Variants in AGAP1 observed in about 807,000 individuals in gnomAD.
The protein encoded by AGAP1 is arf-GAP with GTPase, ANK repeat and PH domain-containing protein 1.
Under a neutral mutation model 105.3 loss-of-function variants are expected in AGAP1, and 29 were observed. The ratio of observed to expected loss-of-function variants is 0.28; its 90% CI spans 0.21 to 0.38. AGAP1 has a LOEUF of 0.38. AGAP1 is among the 10% of genes least tolerant of loss of function. The pLI is 1.00. For synonymous variants in AGAP1, 509 were observed against 485.9 expected (o/e 1.05, Z -0.63); for missense variants, 998 against 1,165.1 (o/e 0.86, Z 2.09).
At position 236,096,259 on chromosome 2, in the gene AGAP1, G is replaced by A. The variant is rs141260220; in HGVS notation, c.2115-23933G>A. Among the ~76,000 whole-genome samples the A allele has an allele frequency of 2.4e-4, 36 of 152,220 alleles. No individual in the cohort carries two copies. Among genetic ancestry groups the A allele is most frequent in the African/African-American group, 8.2e-4 (34 of 41,548 alleles). Reference sequence around the variant, plus strand: ...CTCACGCCTGTAATCCCAGCACTTCGGGAGGCCAAGGCGGGGGAATCCCTG... The same window carrying A: ...CTCACGCCTGTAATCCCAGCACTTCAGGAGGCCAAGGCGGGGGAATCCCTG... On this transcript the variant is annotated intron_variant, in intron 16 of 17. Transcript: ENST00000304032. The surrounding 1 kb of genome is among the most constrained non-coding windows in gnomAD (Gnocchi z 4.4).
At position 235,873,247 on chromosome 2, in the gene AGAP1, A is replaced by G. The variant is rs370732019; in HGVS notation, c.1051-10098A>G. Among the ~76,000 whole-genome samples, 3 of 152,360 alleles carry G rather than the reference A, an allele frequency of 2.0e-5. No individual in the cohort carries two copies. The South Asian group carries it at 6.2e-4, about 32-fold the overall frequency. On this transcript the variant is annotated intron_variant, in intron 9 of 17. Transcript: ENST00000304032. ...CACTCTTCAAAAATCAGTGTTCAGA[A>G]TTAATTTAAGCCAAGAAAGAAAAAG...
chr2:235,525,045 C>A (rs925810496), intron 1 of AGAP1, among the ~76,000 whole-genome samples: 1 of 152,162 alleles, frequency 6.6e-6, no homozygotes, highest in Non-Finnish European at 1.5e-5. Context: ...AAATTTCTTA[C>A]GGTTAGTACA....
rs566801552 is a variant in AGAP1, at chr2:235,921,700, A to T, written c.1325-9065A>T. 5.3e-5 allele frequency among the ~76,000 whole-genome samples: 8 copies of T among 152,320 alleles called. No homozygotes were observed. The East Asian group carries it at 1.5e-3, about 29-fold the overall frequency. On this transcript the variant is annotated intron_variant, in intron 11 of 17. Transcript: ENST00000304032. The stretch of plus-strand genomic sequence containing the variant: ...AACATGGAAAATCTCTTAACTAAAC[A>T]AAAGGTATCAAGAAACACCAGATTT...
At position 235,611,281 on chromosome 2, in the gene AGAP1, T is replaced by C. The variant is rs375837799; in HGVS notation, c.164-97898T>C. 2.0e-5 allele frequency among the ~76,000 whole-genome samples: 3 copies of C among 152,202 alleles called. No individual in the cohort carries two copies. Among genetic ancestry groups the C allele is most frequent in the South Asian group, 4.1e-4 (2 of 4,834 alleles). On this transcript the variant is annotated intron_variant, in intron 1 of 17. Transcript: ENST00000304032. The surrounding 1 kb of genome is among the most constrained non-coding windows in gnomAD (Gnocchi z 5.0). ...CTCCCTTGTGGCCCACACAACACTT[T>C]CGTTGGAGATGAAGAGTCTCCCTTT...
intron 13 of AGAP1, among the ~76,000 whole-genome samples, chr2:235,972,465 G>C (rs111806813): frequency 2.6e-4 from 39 of 152,336 alleles, no homozygotes; most frequent in African/African-American, 8.9e-4. Flanking sequence ...CCTGTCTGCA[G>C]AGATGCGGGG....
At position 235,962,992 on chromosome 2, in the gene AGAP1, A is replaced by C. The variant is rs2054253289; in HGVS notation, c.1484-5470A>C. Reference sequence around the variant, plus strand: ...TGGATCTGTGGGAATCCAGAGTCCCATGGGGCTAGAAGTGCTCGTGTGGAA... The same window carrying C: ...TGGATCTGTGGGAATCCAGAGTCCCCTGGGGCTAGAAGTGCTCGTGTGGAA... On this transcript the variant is annotated intron_variant, in intron 12 of 17. Coordinates refer to ENST00000304032, the MANE Select transcript of AGAP1 (RefSeq NM_001037131.3). The surrounding 1 kb of genome is among the most constrained non-coding windows in gnomAD (Gnocchi z 5.3). 6.6e-6 allele frequency among the ~76,000 whole-genome samples: 1 copy of C among 152,114 alleles called. No individual in the cohort carries two copies. The highest frequency in any genetic ancestry group is 2.4e-5 in the African/African-American group (1 of 41,420).
In AGAP1 at chr2:235,611,241, G is replaced by A. The variant is rs1166277291; in HGVS notation, c.164-97938G>A. On this transcript the variant is annotated intron_variant, in intron 1 of 17. Transcript: ENST00000304032. The surrounding 1 kb of genome is among the most constrained non-coding windows in gnomAD (Gnocchi z 5.0). ...AGCACCTTCCCAGGCAGCTGCAAAG[G>A]TGGTCTTGGTTTGACTCCCTTGTGG... Among the ~76,000 whole-genome samples the A allele has an allele frequency of 6.6e-6, 1 of 152,142 alleles. No homozygotes were observed. The highest frequency in any genetic ancestry group is 1.5e-5 in the Non-Finnish European group (1 of 68,030).
chr2:235,930,296 G>A lies in AGAP1; in HGVS notation c.1325-469G>A, dbSNP rs2052658107. Among the ~76,000 whole-genome samples, 1 of 152,116 alleles carries A rather than the reference G, an allele frequency of 6.6e-6. No homozygotes were observed. The highest frequency in any genetic ancestry group is 6.6e-5 in the Admixed American group (1 of 15,264). On this transcript the variant is annotated intron_variant, in intron 11 of 17. Transcript: ENST00000304032. This position sits in a 1 kb window ranked among gnomAD's most constrained non-coding sequence, Gnocchi z 7.9. ...TGATTTGTGTTGATCATAAAGTATG[G>A]CTTCCCCATGAAAATAATCCTCTGG...
Position 235,725,085 on chromosome 2 carries a change from T to C in AGAP1, c.310+7441T>C, listed in dbSNP as rs1399590897. Reference sequence around the variant, plus strand: ...TTTTCCACTGTGTGTTTGGTTTCTGTTGCTTGTTCCAAGCTGCTGACGCGG... The same window carrying C: ...TTTTCCACTGTGTGTTTGGTTTCTGCTGCTTGTTCCAAGCTGCTGACGCGG... On this transcript the variant is annotated intron_variant, in intron 3 of 17. Coordinates refer to ENST00000304032, the MANE Select transcript of AGAP1 (RefSeq NM_001037131.3). The surrounding 1 kb of genome is among the most constrained non-coding windows in gnomAD (Gnocchi z 5.7). Among the ~76,000 whole-genome samples, 2 of 152,196 alleles carry C rather than the reference T, an allele frequency of 1.3e-5. No individual in the cohort carries two copies. Among genetic ancestry groups the C allele is most frequent in the Non-Finnish European group, 2.9e-5 (2 of 68,042 alleles).
At chr2:235,742,825 G>A (rs944770489) in intron 4 of AGAP1, among the ~76,000 whole-genome samples, 1 of 152,184 alleles carries the variant, frequency 6.6e-6, no homozygotes, top group Non-Finnish European at 1.5e-5. Context: ...CAACTGAAGA[G>A]CAAGTCTTAC....
intron 9 of AGAP1, chr2:235,852,829 G>A: frequency 6.7e-7 from 1 of 1,488,866 alleles, no homozygotes; most frequent in Non-Finnish European, 9.0e-7. Context: ...AATCAGCCCA[G>A]CTGTCCGGGG....
At chr2:235,775,637 G>A (rs1013095054) in intron 6 of AGAP1, 2 of 152,096 alleles carry the variant, frequency 1.3e-5, no homozygotes, top group African/African-American at 2.4e-5. Context: ...CCCGAGTTAA[G>A]TGTTAACCCC....
In AGAP1 at chr2:235,906,176, C is replaced by T. The variant is rs1251788806; in HGVS notation, c.1156-2562C>T. The stretch of plus-strand genomic sequence containing the variant: ...AAATGAAATGGCCAGTCACCAGCCT[C>T]GGGTGGCCGGGCACCTCTGCTCCCG... On this transcript the variant is annotated intron_variant, in intron 10 of 17. Transcript: ENST00000304032. The surrounding 1 kb of genome is among the most constrained non-coding windows in gnomAD (Gnocchi z 5.3). Among the ~76,000 whole-genome samples, 1 of 152,156 alleles carries T rather than the reference C, an allele frequency of 6.6e-6. No individual in the cohort carries two copies. The highest frequency in any genetic ancestry group is 1.5e-5 in the Non-Finnish European group (1 of 68,036).
At position 235,675,182 on chromosome 2, in the gene AGAP1, GTTGGTTGGT is replaced by G. The variant is rs1364225638; in HGVS notation, c.164-33994_164-33986del. Among the ~76,000 whole-genome samples, 32 of 135,192 alleles carry G rather than the reference GTTGGTTGGT, an allele frequency of 2.4e-4. 1 individual carries two copies. In the East Asian group the frequency reaches 4.4e-3, roughly 18 times the overall value. 88.7% of individuals were successfully genotyped at this position (135,192 alleles called of 152,430 possible). A position where few individuals can be genotyped will look rare whatever the true frequency, so the allele number is the denominator to read the frequency against. ...ACACTTTTTGTTGGTTGGTTGGTTG[GTTGGTTGGT>G]TTTTTTTTTTTTTTTTGAGACAGAG... On this transcript the variant is annotated intron_variant, in intron 1 of 17. Coordinates refer to ENST00000304032, the MANE Select transcript of AGAP1 (RefSeq NM_001037131.3).
rs1326416789 is a variant in AGAP1, at chr2:236,080,814, C to T, written c.2114+31533C>T. Among the ~76,000 whole-genome samples the T allele has an allele frequency of 6.6e-6, 1 of 152,140 alleles. No homozygotes were observed. The highest frequency in any genetic ancestry group is 1.5e-5 in the Non-Finnish European group (1 of 68,034). The stretch of plus-strand genomic sequence containing the variant: ...ACTCATCTTGGTGGCCTTGCATCCC[C>T]TCTGACCTGTTTCTGTCCTCACATC... On this transcript the variant is annotated intron_variant, in intron 16 of 17. Coordinates refer to ENST00000304032, the MANE Select transcript of AGAP1 (RefSeq NM_001037131.3). The surrounding 1 kb of genome is among the most constrained non-coding windows in gnomAD (Gnocchi z 4.2).
chr2:235,972,007 G>A (rs938966849), intron 13 of AGAP1, among the ~76,000 whole-genome samples: 1 of 151,832 alleles, frequency 6.6e-6, no homozygotes, highest in Non-Finnish European at 1.5e-5. Context: ...TTGAACTCCT[G>A]GGCTCAAGCA....
intron 15 of AGAP1, among the ~76,000 whole-genome samples, chr2:236,047,400 C>G (rs1482738756): frequency 2.0e-5 from 3 of 151,894 alleles, no homozygotes; most frequent in African/African-American, 7.3e-5. Context: ...CTCCACAGCC[C>G]CAGGCCAGGG....
rs544512632 is a variant in AGAP1 at position 235,959,826 on chromosome 2, C to T, written c.1484-8636C>T. On this transcript the variant is annotated intron_variant, in intron 12 of 17. Coordinates refer to ENST00000304032, the MANE Select transcript of AGAP1 (RefSeq NM_001037131.3). The surrounding 1 kb of genome is among the most constrained non-coding windows in gnomAD (Gnocchi z 7.3). Reference sequence around the variant, plus strand: ...CCACTTTCCCCACTGGCTGCCTGTCCGCTCCTGCCAAACCTGCTCCCACCC... The same window carrying T: ...CCACTTTCCCCACTGGCTGCCTGTCTGCTCCTGCCAAACCTGCTCCCACCC... Among the ~76,000 whole-genome samples the T allele has an allele frequency of 1.9e-4, 29 of 152,268 alleles. No homozygotes were observed. Among genetic ancestry groups the T allele is most frequent in the African/African-American group, 5.5e-4 (23 of 41,550 alleles).
At chr2:235,530,774 A>G (rs1041706899) in intron 1 of AGAP1, among the ~76,000 whole-genome samples, 3 of 152,198 alleles carry the variant, frequency 2.0e-5, no homozygotes, top group Non-Finnish European at 4.4e-5. Flanking sequence ...ACTTAATCAC[A>G]GCGACAGTGC....
Sources: allele counts gnomAD v4.1 joint callset (sites outside exome capture counted in the v4.1 genomes callset), GRCh38; gene constraint gnomAD v4.1.1; non-coding constraint Gnocchi (gnomAD v3.1); transcripts MANE v1.5; gene names NCBI Gene and HGNC (gene_info 2026-07-23, HGNC 2026-07-21).